The following SCLT1 variants were observed in gnomAD, a reference collection of about 807,000 sequenced individuals.
SCLT1 encodes the protein sodium channel-associated protein 1.
In SCLT1, 78 loss-of-function variants were observed where a neutral mutation model predicts 112.8. That is an observed-to-expected ratio of 0.69 (90% CI 0.58 to 0.83). The LOEUF (loss-of-function observed/expected upper bound fraction) is 0.83, where lower values mean the gene tolerates loss of function less well. Among genes scored for constraint, SCLT1 ranks in the 40% least tolerant of loss-of-function variants. The pLI, the probability that SCLT1 is intolerant of heterozygous loss-of-function variation, is 0.00. For synonymous variants in SCLT1, 257 were observed against 254.7 expected, an observed-to-expected ratio of 1.01 and a Z score of -0.09; for missense variants, 747 against 770.4, an observed-to-expected ratio of 0.97 and a Z score of 0.36.
At chr4:128,912,119 G>A (rs970517227) in intron 18 of SCLT1, among the ~76,000 whole-genome samples, 1 of 151,478 alleles carries the variant, frequency 6.6e-6, no homozygotes, top group Admixed American at 6.6e-5. Flanking sequence ...TATATATAGA[G>A]ACATCATTAC....
chr4:129,036,842 A>G (rs1747220201), intron 5 of SCLT1: 1 of 151,798 alleles, frequency 6.6e-6, no homozygotes, highest in African/African-American at 2.4e-5. Context: ...AAATTACTAC[A>G]TAACATAGAA....
chr4:128,964,404 T>C (rs1040458715), intron 11 of SCLT1, among the ~76,000 whole-genome samples: 6 of 152,158 alleles, frequency 3.9e-5, no homozygotes, highest in East Asian at 1.9e-4. Context: ...CGAAGGGCCA[T>C]TGCAAATTAG....
intron 5 of SCLT1, among the ~76,000 whole-genome samples, chr4:129,031,325 G>A (rs1746700049): frequency 6.6e-6 from 1 of 152,006 alleles, no homozygotes; most frequent in African/African-American, 2.4e-5. Context: ...ATTAGTAAGA[G>A]GTATTTATGA....
chr4:129,023,444 G>A (rs1745679773), intron 5 of SCLT1, among the ~76,000 whole-genome samples: 1 of 152,146 alleles, frequency 6.6e-6, no homozygotes, highest in African/African-American at 2.4e-5. Flanking sequence ...ATAAAGGGAT[G>A]GAGGAATATT....
At chr4:128,963,209 T>C (rs1173576815) in intron 11 of SCLT1, among the ~76,000 whole-genome samples, 1 of 152,200 alleles carries the variant, frequency 6.6e-6, no homozygotes, top group Non-Finnish European at 1.5e-5. Flanking sequence ...TACAAGTAAG[T>C]GATGCCTTTC....
intron 8 of SCLT1, among the ~76,000 whole-genome samples, chr4:128,994,092 G>C (rs761470598): frequency 1.3e-5 from 2 of 152,014 alleles, no homozygotes; most frequent in Non-Finnish European, 2.9e-5. Flanking sequence ...CGTTATTGCT[G>C]ACTACAGGTA....
At chr4:128,941,748 G>A (rs1737711124) in intron 17 of SCLT1, among the ~76,000 whole-genome samples, 1 of 151,960 alleles carries the variant, frequency 6.6e-6, no homozygotes, top group Admixed American at 6.6e-5. Context: ...CAAACCCAAA[G>A]GCAAGAAGAT....
At chr4:128,979,080 C>T (rs1413274281) in intron 9 of SCLT1, among the ~76,000 whole-genome samples, 1 of 151,992 alleles carries the variant, frequency 6.6e-6, no homozygotes, top group Non-Finnish European at 1.5e-5. Flanking sequence ...AGGTTGGATA[C>T]TAAAGTAGAA....
chr4:128,960,014 A>G (rs1231193019), intron 11 of SCLT1, among the ~76,000 whole-genome samples: 1 of 152,184 alleles, frequency 6.6e-6, no homozygotes, highest in Non-Finnish European at 1.5e-5. Flanking sequence ...TCATAGCGCT[A>G]ATGAGCAGTG....
chr4:128,981,649 C>G (rs781506423), intron 9 of SCLT1, among the ~76,000 whole-genome samples: 1 of 151,594 alleles, frequency 6.6e-6, no homozygotes, highest in Non-Finnish European at 1.5e-5. Context: ...ACTCACTGGC[C>G]CCCTACCCGC....
At chr4:128,895,543 A>AC (rs1733674758) in intron 18 of SCLT1, among the ~76,000 whole-genome samples, 1 of 152,106 alleles carries the variant, frequency 6.6e-6, no homozygotes, top group Non-Finnish European at 1.5e-5. Context: ...TTAAGACTGC[A>AC]CCCTTGGTGG....
intron 6 of SCLT1, 67 bp from the exon 7 acceptor site, chr4:128,999,861 C>A: frequency 9.5e-7 from 1 of 1,047,296 alleles, no homozygotes; most frequent in South Asian, 2.0e-5. Flanking sequence ...ACAAATGGAT[C>A]ATTTTCTTTT....
intron 1 of SCLT1, among the ~76,000 whole-genome samples, chr4:129,090,996 CT>C (rs1208728998): frequency 1.3e-5 from 2 of 152,154 alleles, no homozygotes; most frequent in Non-Finnish European, 2.9e-5. Context: ...AACAAATGGT[CT>C]TGACCTGGGC....
chr4:129,061,933 C>G (rs146205807), intron 2 of SCLT1, among the ~76,000 whole-genome samples: 1 of 152,270 alleles, frequency 6.6e-6, no homozygotes, highest in East Asian at 1.9e-4. Context: ...TATGTGGACT[C>G]TAGGTTGCTC....
intron 5 of SCLT1, among the ~76,000 whole-genome samples, chr4:129,026,268 C>A (rs532753041): frequency 2.2e-4 from 33 of 152,292 alleles, no homozygotes; most frequent in African/African-American, 7.2e-4. Flanking sequence ...CACCACACCA[C>A]ACCTATTCCA....
rs111744580 is a variant in SCLT1 at position 128,902,608 on chromosome 4, T to G, written c.1830-11471A>C. 5.6e-3 allele frequency among the ~76,000 whole-genome samples: 855 copies of G among 152,300 alleles called. 15 individuals carry two copies. Among genetic ancestry groups the G allele is most frequent in the African/African-American group, 0.019 (803 of 41,562 alleles). Reference sequence around the variant, plus strand: ...GAGCCTGCAGGACTGGAAGTTGCTATGGGTGAGTCAGTGAGTGAGTGGAGA... The same window carrying G: ...GAGCCTGCAGGACTGGAAGTTGCTAGGGGTGAGTCAGTGAGTGAGTGGAGA... On this transcript the variant is annotated intron_variant, in intron 18 of 20. Coordinates refer to ENST00000281142, the MANE Select transcript of SCLT1 (RefSeq NM_144643.4).
chr4:128,989,992 G>T (rs1432597068), intron 9 of SCLT1, among the ~76,000 whole-genome samples: 1 of 151,808 alleles, frequency 6.6e-6, no homozygotes, highest in Non-Finnish European at 1.5e-5. Flanking sequence ...ACTAGGACTT[G>T]ATGTCTTCAT....
chr4:129,078,687 A>C (rs1380508904), intron 2 of SCLT1, among the ~76,000 whole-genome samples: 1 of 152,184 alleles, frequency 6.6e-6, no homozygotes, highest in African/African-American at 2.4e-5. Flanking sequence ...AAATATCTAT[A>C]AGAATAAGTA....
chr4:129,025,201 C>T (rs1423515944), intron 5 of SCLT1, among the ~76,000 whole-genome samples: 1 of 152,004 alleles, frequency 6.6e-6, no homozygotes, highest in Non-Finnish European at 1.5e-5. Flanking sequence ...ACAGAGAACA[C>T]CATAAAGAAA....
Sources: gnomAD v4.1 joint callset for allele counts (sites outside exome capture counted in the v4.1 genomes callset) on GRCh38, gnomAD v4.1.1 for gene constraint, MANE v1.5 for transcripts, NCBI Gene and HGNC (gene_info 2026-07-23, HGNC 2026-07-21) for gene names.